Variants in GUCY1B1 observed in about 807,000 individuals in gnomAD.
GUCY1B1 encodes the protein guanylate cyclase 1 soluble subunit beta 1.
A neutral mutation model predicts 71.0 loss-of-function variants in GUCY1B1; 43 were observed. The observed-to-expected ratio is 0.61, with a 90% CI of 0.47 to 0.78. GUCY1B1 has a LOEUF of 0.78. Ranked by LOEUF, GUCY1B1 falls within the 30% of genes least tolerant of loss-of-function variation. GUCY1B1 has a pLI of 0.00. For missense variants in GUCY1B1, 535 were observed against 754.1 expected (o/e 0.71, Z 3.40); for synonymous variants, 266 against 259.7 (o/e 1.02, Z -0.23).
chr4:155,783,085 C>G (rs1178633388), intron 4 of GUCY1B1, among the ~76,000 whole-genome samples: 1 of 152,180 alleles, frequency 6.6e-6, no homozygotes, highest in Non-Finnish European at 1.5e-5. Context: ...GTTTGACATA[C>G]AGCTATGGAT....
At chr4:155,805,070 T>TTC in intron 12 of GUCY1B1, 33 bp from the exon 13 acceptor site, 2 of 1,591,966 alleles carry the variant, frequency 1.3e-6, no homozygotes, top group Non-Finnish European at 1.7e-6. Flanking sequence ...TTGTGTATAC[T>TTC]TCTCTCTCTA....
Position 155,783,968 on chromosome 4 carries a change from G to C in GUCY1B1, c.298-5746G>C, listed in dbSNP as rs543812520. On this transcript the variant is annotated intron_variant, in intron 4 of 13. Coordinates refer to ENST00000264424, the MANE Select transcript of GUCY1B1 (RefSeq NM_000857.5). Reference sequence around the variant, plus strand: ...TATTCCAGAATTGTAAGGCTTTTCAGTTTGAATAACTGGTATATATTTTCA... The same window carrying C: ...TATTCCAGAATTGTAAGGCTTTTCACTTTGAATAACTGGTATATATTTTCA... Among the ~76,000 whole-genome samples the C allele has an allele frequency of 2.6e-5, 4 of 152,134 alleles. No homozygotes were observed. In the South Asian group the frequency reaches 8.3e-4, roughly 32 times the overall value.
chr4:155,784,192 T>A (rs115431699), intron 4 of GUCY1B1, among the ~76,000 whole-genome samples: 1 of 152,182 alleles, frequency 6.6e-6, no homozygotes, highest in Non-Finnish European at 1.5e-5. Flanking sequence ...TTAGTGACTC[T>A]GGTACAGTTT....
At chr4:155,776,873 G>T (rs945380683) in intron 3 of GUCY1B1, among the ~76,000 whole-genome samples, 1 of 152,106 alleles carries the variant, frequency 6.6e-6, no homozygotes, top group South Asian at 2.1e-4. Flanking sequence ...TTGGAAAAAA[G>T]AAGTAGTATA....
chr4:155,788,337 G>T (rs571334255), intron 4 of GUCY1B1, among the ~76,000 whole-genome samples: 2 of 152,340 alleles, frequency 1.3e-5, no homozygotes, highest in African/African-American at 4.8e-5. Context: ...CCTCTCTCCA[G>T]TCCTTCAACA....
chr4:155,759,190 C>A, intron 1 of GUCY1B1, 47 bp downstream of exon 1: 2 of 1,537,348 alleles, frequency 1.3e-6, no homozygotes, highest in Admixed American at 1.9e-5. Flanking sequence ...CCCTCCTCGG[C>A]CGGCCTGGCA....
At chr4:155,804,206 G>C (rs6536093) in intron 11 of GUCY1B1, among the ~76,000 whole-genome samples, 54,622 of 151,952 alleles carry the variant, frequency 0.36, 11,050 homozygotes, top group African/African-American at 0.55. Context: ...GATGTTATAT[G>C]ATGACTCTAC....
At chr4:155,794,235 A>C in intron 6 of GUCY1B1, 149 bp downstream of exon 6, 1 of 554,054 alleles carries the variant, frequency 1.8e-6, no homozygotes, top group South Asian at 3.0e-5. Flanking sequence ...TTAATTGTGA[A>C]CTAAGTGTAT....
intron 2 of GUCY1B1, among the ~76,000 whole-genome samples, chr4:155,763,891 AT>A (rs533417712): frequency 1.9e-3 from 290 of 151,806 alleles, no homozygotes; most frequent in Admixed American, 4.8e-3. Context: ...ATAAATGATG[AT>A]TTTTTTTTAT....
At chr4:155,761,031 C>A (rs1560996488) in intron 2 of GUCY1B1, among the ~76,000 whole-genome samples, 1 of 152,156 alleles carries the variant, frequency 6.6e-6, no homozygotes, top group African/African-American at 2.4e-5. Flanking sequence ...GAAAATGTAA[C>A]TTTTCTTTCC....
At position 155,802,251 on chromosome 4, in the gene GUCY1B1, C is replaced by T. The variant is rs747089978; in HGVS notation, c.1176-91C>T. ...AGAATCCAGGCCTTTAAAGTACAAA[C>T]GACACTGATGCTGTGTGAAAAGGAC... On this transcript the variant is annotated intron_variant, in intron 9 of 13. Coordinates refer to ENST00000264424, the MANE Select transcript of GUCY1B1 (RefSeq NM_000857.5). The surrounding 1 kb of genome is among the most constrained non-coding windows in gnomAD (Gnocchi z 4.3). The T allele has an allele frequency of 1.1e-5, 18 of 1,566,606 alleles. No individual in the cohort carries two copies. Among genetic ancestry groups the T allele is most frequent in the Middle Eastern group, 1.7e-4 (1 of 6,012 alleles).
At chr4:155,803,972 G>A (rs1437419866) in intron 11 of GUCY1B1, among the ~76,000 whole-genome samples, 1 of 152,030 alleles carries the variant, frequency 6.6e-6, no homozygotes, top group Non-Finnish European at 1.5e-5. Flanking sequence ...TCCGTTTCAT[G>A]TACTGAAAGT....
In GUCY1B1 at chr4:155,775,025, C is replaced by T. The variant is rs2043880739; in HGVS notation, c.135C>T (p.Asp45=). 6.2e-7 allele frequency: 1 copy of T among 1,606,624 alleles called. No homozygotes were observed. Among genetic ancestry groups the T allele is most frequent in the Non-Finnish European group, 8.5e-7 (1 of 1,173,602 alleles). The change falls in exon 3 of 14, where the codon GAC becomes GAT. Residue 45 remains aspartate, a synonymous_variant. Transcript: ENST00000264424. ...GQFLVRIIYD[D]SKTYDLVAAA... ...TTCTTGTCAGAATAATATATGATGA[C>T]TCCAAAACTTATGATTTGGTTGCTG...
chr4:155,783,791 T>C (rs1738588275), intron 4 of GUCY1B1, among the ~76,000 whole-genome samples: 1 of 152,230 alleles, frequency 6.6e-6, no homozygotes, highest in Non-Finnish European at 1.5e-5. Flanking sequence ...AAATTATTTA[T>C]ATTTCTTAAG....
At chr4:155,792,570 T>C (rs1739253557) in intron 5 of GUCY1B1, among the ~76,000 whole-genome samples, 1 of 151,716 alleles carries the variant, frequency 6.6e-6, no homozygotes, top group South Asian at 2.1e-4. Context: ...TAAAAGAATA[T>C]ATACAATAGC....
chr4:155,759,440 G>A lies in GUCY1B1; in HGVS notation c.3+297G>A, dbSNP rs1442392751. On this transcript the variant is annotated intron_variant, in intron 1 of 13. Coordinates refer to ENST00000264424, the MANE Select transcript of GUCY1B1 (RefSeq NM_000857.5). Reference sequence around the variant, plus strand: ...GCGTGGGGTCTTCCCGGCTCTGGCCGGCCCCACCAGTGTGGGAGGCTGAGC... The same window carrying A: ...GCGTGGGGTCTTCCCGGCTCTGGCCAGCCCCACCAGTGTGGGAGGCTGAGC... 1.7e-5 allele frequency: 9 copies of A among 531,792 alleles called. No individual in the cohort carries two copies. In the South Asian group the frequency reaches 2.1e-4, roughly 12 times the overall value. The allele number at this position is 531,792 out of a possible 1,614,324, so 32.9% of individuals were successfully genotyped here. A position where few individuals can be genotyped will look rare whatever the true frequency, so the allele number is the denominator to read the frequency against.
At position 155,806,653 on chromosome 4, in the gene GUCY1B1, T is replaced by C. The variant is rs1740339062; in HGVS notation, c.*244T>C. The C allele has an allele frequency of 2.4e-6, 1 of 413,900 alleles. No homozygotes were observed. The allele number at this position is 413,900 out of a possible 1,614,324, so 25.6% of individuals were successfully genotyped here. ...GGCTTTTGATGTGGATGATGTGAGCTTCATGTGTCTTAAAATCTACTACAA... is the reference window on the plus strand; with the variant it reads ...GGCTTTTGATGTGGATGATGTGAGCCTCATGTGTCTTAAAATCTACTACAA... On this transcript the variant is annotated 3_prime_UTR_variant, in exon 14 of 14. Coordinates refer to ENST00000264424, the MANE Select transcript of GUCY1B1 (RefSeq NM_000857.5).
chr4:155,798,829 G>A (rs1200812206), intron 8 of GUCY1B1, among the ~76,000 whole-genome samples: 1 of 142,404 alleles, frequency 7.0e-6, no homozygotes, highest in African/African-American at 2.5e-5. Context: ...AACCAGTTAG[G>A]TTTTGTTGTC....
At chr4:155,790,220 TG>T (rs1261024228) in intron 5 of GUCY1B1, among the ~76,000 whole-genome samples, 9 of 152,198 alleles carry the variant, frequency 5.9e-5, no homozygotes, top group African/African-American at 2.2e-4. Context: ...ACGACTGAGC[TG>T]TGGGTTTCAG....
Sources: allele counts gnomAD v4.1 joint callset (sites outside exome capture counted in the v4.1 genomes callset), GRCh38; gene constraint gnomAD v4.1.1; non-coding constraint Gnocchi (gnomAD v3.1); transcripts MANE v1.5; gene names NCBI Gene and HGNC (gene_info 2026-07-23, HGNC 2026-07-21).